The following HJURP variants were observed in gnomAD, a reference collection of about 807,000 sequenced individuals.
HJURP encodes the protein 14-3-3-associated AKT substrate.
A neutral mutation model predicts 72.0 loss-of-function variants in HJURP; 49 were observed. The observed-to-expected ratio is 0.68, with a 90% CI of 0.54 to 0.86. The LOEUF is 0.86. HJURP is among the 40% of genes least tolerant of loss of function. The pLI, the probability that HJURP is intolerant of heterozygous loss-of-function variation, is 0.00. For synonymous variants in HJURP, 357 were observed against 347.1 expected (o/e 1.03, Z -0.32); for missense variants, 908 against 936.3 (o/e 0.97, Z 0.39).
In HJURP at chr2:233,841,508, C is replaced by T. The variant is rs749524894; in HGVS notation, c.1272G>A (p.Gln424=). 1 of 1,614,176 alleles carries T rather than the reference C, an allele frequency of 6.2e-7. No individual in the cohort carries two copies. Among genetic ancestry groups the T allele is most frequent in the South Asian group, 1.1e-5 (1 of 91,084 alleles). Residue 424 remains glutamine (Q), a synonymous_variant, in exon 8 of 9, where the codon CAG becomes CAA. Transcript: ENST00000411486. ...VKIVSRPTIR[Q]GHGENRQREI... ...CCCTCTGACGGTTCTCTCCATGGCCCTGTCGTATTGTTGGTCTGGAAACTA... is the reference window on the plus strand; with the variant it reads ...CCCTCTGACGGTTCTCTCCATGGCCTTGTCGTATTGTTGGTCTGGAAACTA...
At chr2:233,853,946 G>A (rs1245778903) in intron 1 of HJURP, 36 bp from the exon 2 acceptor site, 8 of 1,591,730 alleles carry the variant, frequency 5.0e-6, no homozygotes, top group Non-Finnish European at 6.9e-6. Flanking sequence ...TCAGGTTCCA[G>A]GGCCACGAGG....
At chr2:233,844,675 C>T (rs1030363432) in intron 6 of HJURP, among the ~76,000 whole-genome samples, 5 of 152,200 alleles carry the variant, frequency 3.3e-5, no homozygotes, top group African/African-American at 1.2e-4. Context: ...CCTGGATCAA[C>T]ACAGCAACCA....
chr2:233,839,675 C>T (rs771518600), intron 8 of HJURP, among the ~76,000 whole-genome samples: 2 of 152,172 alleles, frequency 1.3e-5, no homozygotes, highest in Non-Finnish European at 2.9e-5. Flanking sequence ...GAGAAGGGCT[C>T]GCAGGCCAGG....
rs1293014060 is a variant in HJURP, at chr2:233,846,358, A to T, written c.403-538T>A. On this transcript the variant is annotated intron_variant, in intron 5 of 8. Transcript: ENST00000411486. The surrounding 1 kb of genome is among the most constrained non-coding windows in gnomAD (Gnocchi z 4.3). ...TCCCAGCTACTTGGGAGGCTGAGGC[A>T]GGAGAATCGCTTGAACCCAGGAAGT... Among the ~76,000 whole-genome samples, 1 of 152,200 alleles carries T rather than the reference A, an allele frequency of 6.6e-6. No individual in the cohort carries two copies.
Position 233,854,481 on chromosome 2 carries a change from G to T in HJURP, c.20C>A (p.Ala7Asp). Residue 7 changes from alanine (A) to aspartate (D), a missense_variant, in exon 1 of 9, where the codon GCC becomes GAC. Ala to Asp is a moderately radical substitution (Grantham distance 126). Coordinates refer to ENST00000411486, the MANE Select transcript of HJURP (RefSeq NM_018410.5). MLGTLRAMEGEDVEDDQ... is the reference protein window; with the variant it reads MLGTLRDMEGEDVEDDQ... ...GTCTTCCACGTCCTCGCCCTCCATG[G>T]CGCGCAGCGTACCCAGCATCGGACC... is the stretch of plus-strand genomic sequence containing the variant. 6.2e-7 allele frequency: 1 copy of T among 1,612,088 alleles called. No individual in the cohort carries two copies. Among genetic ancestry groups the T allele is most frequent in the Non-Finnish European group, 8.5e-7 (1 of 1,179,142 alleles).
chr2:233,839,342 T>C (rs918553638), intron 8 of HJURP, among the ~76,000 whole-genome samples: 1 of 151,514 alleles, frequency 6.6e-6, no homozygotes, highest in Admixed American at 6.6e-5. Context: ...GTGGGTGGAG[T>C]CTAGGGAGGA....
intron 5 of HJURP, among the ~76,000 whole-genome samples, chr2:233,847,169 A>G (rs1440489004): frequency 1.3e-5 from 2 of 152,192 alleles, no homozygotes; most frequent in African/African-American, 4.8e-5. Context: ...TCAGGCTTGC[A>G]CTGGGGGTAG....
chr2:233,849,907 C>T (rs1415304758), intron 3 of HJURP, 48 bp from the exon 4 acceptor site: 2 of 1,135,468 alleles, frequency 1.8e-6, no homozygotes, highest in East Asian at 2.6e-5. Context: ...AGTGACAGCA[C>T]ATTTCAAAGT....
intron 5 of HJURP, among the ~76,000 whole-genome samples, chr2:233,847,061 A>G (rs1705379587): frequency 6.6e-6 from 1 of 152,162 alleles, no homozygotes; most frequent in Admixed American, 6.5e-5. Context: ...GGGGAGACTG[A>G]CCGAGAGCCC....
At chr2:233,847,719 GC>G (rs1447736452) in intron 4 of HJURP, among the ~76,000 whole-genome samples, 1 of 152,168 alleles carries the variant, frequency 6.6e-6, no homozygotes, top group Non-Finnish European at 1.5e-5. Context: ...TGGCCTCTGA[GC>G]CTGGAAGTTG....
rs74417173 is a variant in HJURP at position 233,851,391 on chromosome 2, C to T, written c.240+1174G>A. Among the ~76,000 whole-genome samples the T allele has an allele frequency of 4.8e-4, 73 of 152,176 alleles. 2 individuals are homozygous for T. The East Asian group carries it at 0.013, about 27-fold the overall frequency. ...CGTACACTCATTTACATATTATTTTCGGCCACTTTCCTCCTGCAACACAGA... is the reference window on the plus strand; with the variant it reads ...CGTACACTCATTTACATATTATTTTTGGCCACTTTCCTCCTGCAACACAGA... On this transcript the variant is annotated intron_variant, in intron 3 of 8. Coordinates refer to ENST00000411486, the MANE Select transcript of HJURP (RefSeq NM_018410.5).
rs1382812961 is a variant in HJURP at position 233,837,088 on chromosome 2, C to A, written c.*489G>T. The A allele has an allele frequency of 6.3e-6, 1 of 158,674 alleles. No homozygotes were observed. Among genetic ancestry groups the A allele is most frequent in the East Asian group, 1.9e-4 (1 of 5,292 alleles). The allele number at this position is 158,674 out of a possible 1,614,324, so 9.8% of individuals were successfully genotyped here. ...GGATCACGAGGCCAGGAGCTCGAGA[C>A]CAGCCTGGTCAATATGGTGAAACCC... On this transcript the variant is annotated 3_prime_UTR_variant, in exon 9 of 9. Transcript: ENST00000411486.
intron 7 of HJURP, among the ~76,000 whole-genome samples, chr2:233,842,865 C>T (rs946614045): frequency 9.9e-5 from 15 of 152,146 alleles, no homozygotes; most frequent in Admixed American, 5.2e-4. Flanking sequence ...TAACTCACTG[C>T]GGCTGGTGAG....
At position 233,841,183 on chromosome 2, in the gene HJURP, C is replaced by A. The variant is rs746657873; in HGVS notation, c.1597G>T (p.Ala533Ser). ...SLPKTNPTHS[A>S]TRPQQTSDLH... ...TCAGATGTCTGCTGCGGGCGAGTTG[C>A]GCTGTGTGTGGGGTTGGTCTTTGGA... is the stretch of plus-strand genomic sequence containing the variant. The change falls in exon 8 of 9, where the codon GCA becomes TCA. Residue 533 changes from alanine to serine, a missense_variant. Physicochemically the swap from Ala to Ser is moderately conservative, Grantham distance 99 (BLOSUM62 1). Around this residue, in one of 3 missense-constraint regions of HJURP, gnomAD observed 598 missense variants for 619.5 expected, o/e 0.97. Coordinates refer to ENST00000411486, the MANE Select transcript of HJURP (RefSeq NM_018410.5). 7 of 1,614,146 alleles carry A rather than the reference C, an allele frequency of 4.3e-6. No homozygotes were observed. Among genetic ancestry groups the A allele is most frequent in the Non-Finnish European group, 5.1e-6 (6 of 1,180,036 alleles).
intron 2 of HJURP, among the ~76,000 whole-genome samples, chr2:233,853,349 C>A (rs1365874009): frequency 6.6e-6 from 1 of 152,236 alleles, no homozygotes; most frequent in Admixed American, 6.5e-5. Context: ...AAACGGAATG[C>A]CTTCTCCTCC....
rs953158144 is a variant in HJURP at position 233,854,256 on chromosome 2, G to A, written c.117+128C>T. On this transcript the variant is annotated intron_variant, in intron 1 of 8. Transcript: ENST00000411486. ...GCCTCCACCTTCTCTCCGCATCCAAGCCCCAGTCCCGCTTCCCCAACCCCC... is the reference window on the plus strand; with the variant it reads ...GCCTCCACCTTCTCTCCGCATCCAAACCCCAGTCCCGCTTCCCCAACCCCC... 7 of 636,494 alleles carry A rather than the reference G, an allele frequency of 1.1e-5. No individual in the cohort carries two copies. The Admixed American group carries it at 1.5e-4, about 14-fold the overall frequency. 39.4% of individuals were successfully genotyped at this position (636,494 alleles called of 1,614,324 possible).
intron 8 of HJURP, among the ~76,000 whole-genome samples, chr2:233,838,759 A>G (rs1705144550): frequency 6.6e-6 from 1 of 152,218 alleles, no homozygotes; most frequent in Non-Finnish European, 1.5e-5. Flanking sequence ...GTTAAACAGA[A>G]CGCATAAACT....
rs1435361764 is a variant in HJURP at position 233,849,143 on chromosome 2, T to C, written c.337+620A>G. The stretch of plus-strand genomic sequence containing the variant: ...CGGGGTTGGTGGGGTAGGGAATCCA[T>C]GGCACCAAACGGAGCAGGTTATTTC... On this transcript the variant is annotated intron_variant, in intron 4 of 8. Transcript: ENST00000411486. Among the ~76,000 whole-genome samples, 8 of 152,230 alleles carry C rather than the reference T, an allele frequency of 5.3e-5. No individual in the cohort carries two copies. The South Asian group carries it at 1.5e-3, about 28-fold the overall frequency.
rs765752861 is a variant in HJURP at position 233,852,605 on chromosome 2, C to T, written c.200G>A (p.Gly67Asp). Residue 67 changes from glycine to aspartate, a missense_variant, in exon 3 of 9, where the codon GGT becomes GAT. Physicochemically the swap from Gly to Asp is moderately conservative, Grantham distance 94. Coordinates refer to ENST00000411486, the MANE Select transcript of HJURP (RefSeq NM_018410.5). ...GTTTCTTTCCTTTATTAGTCTTCCA[C>T]CCCAAATTCTCAATCCTGAAGAAAA... Reference protein sequence around the residue: ...YETPQGLRIWGGRLIKERNEG... With the variant: ...YETPQGLRIWDGRLIKERNEG... 2 of 1,604,620 alleles carry T rather than the reference C, an allele frequency of 1.2e-6. No individual in the cohort carries two copies. Among genetic ancestry groups the T allele is most frequent in the Non-Finnish European group, 8.5e-7 (1 of 1,171,152 alleles).
Sources: gnomAD v4.1 joint callset for allele counts (sites outside exome capture counted in the v4.1 genomes callset) on GRCh38, gnomAD v4.1.1 for gene constraint, gnomAD v4.1.1 regional missense constraint, Gnocchi (gnomAD v3.1) non-coding constraint, MANE v1.5 for transcripts, NCBI Gene and HGNC (gene_info 2026-07-23, HGNC 2026-07-21) for gene names.